TRMT44: variants seen among roughly 807,000 people sequenced by gnomAD.
The protein encoded by TRMT44 is probable tRNA (uracil-O(2)-)-methyltransferase.
TRMT44 carries 78 observed loss-of-function variants against 77.3 expected under a neutral mutation model. The ratio of observed to expected loss-of-function variants is 1.01; its 90% confidence interval spans 0.84 to 1.22. The LOEUF (loss-of-function observed/expected upper bound fraction) is 1.22. TRMT44 is among the 50% of genes most tolerant of loss of function. TRMT44 has a pLI of 0.00. For synonymous variants in TRMT44, 391 were observed against 383.3 expected (o/e 1.02, Z -0.23); for missense variants, 1,090 against 964.4 (o/e 1.13, Z -1.73).
downstream of TRMT44, among the ~76,000 whole-genome samples, chr4:8,493,841 C>T (rs1024071130): frequency 1.1e-4 from 16 of 151,832 alleles, no homozygotes; most frequent in Admixed American, 8.5e-4. Flanking sequence ...GCCTGCCTGG[C>T]GAGCATAACC....
At chr4:8,506,078 ATAGTT>A in the TRMT44 span, among the ~76,000 whole-genome samples, 1 of 152,344 alleles carries the variant, frequency 6.6e-6, no homozygotes, top group African/African-American at 2.4e-5. Context: ...TCACAGCACC[ATAGTT>A]GGGGACGAGG....
chr4:8,440,882 C>G lies in TRMT44; in HGVS notation c.60C>G (p.Phe20Leu). 1 of 1,527,854 alleles carries G rather than the reference C, an allele frequency of 6.5e-7. No individual in the cohort carries two copies. The highest frequency in any genetic ancestry group is 2.5e-5 in the East Asian group (1 of 40,350). The allele number at this position is 1,527,854 out of a possible 1,614,324, so 94.6% of individuals were successfully genotyped here. ...SYPGALLPQG[F>L]WAAVEVWLER... ...CAGGCGCGCTTCTCCCACAGGGCTT[C>G]TGGGCTGCGGTCGAAGTGTGGCTGG... Residue 20 changes from phenylalanine to leucine, a missense_variant, in exon 1 of 11, where the codon TTC becomes TTG. Coordinates refer to ENST00000389737, the MANE Select transcript of TRMT44 (RefSeq NM_152544.3).
At chr4:8,447,970 TGA>T (rs1434441667) in intron 2 of TRMT44, among the ~76,000 whole-genome samples, 3 of 152,054 alleles carry the variant, frequency 2.0e-5, no homozygotes, top group Admixed American at 6.5e-5. Flanking sequence ...TGCGTTGGAG[TGA>T]CTTTCATTGC....
chr4:8,470,309 C>T (rs1443365609), intron 9 of TRMT44, among the ~76,000 whole-genome samples: 2 of 152,110 alleles, frequency 1.3e-5, no homozygotes, highest in African/African-American at 4.8e-5. Flanking sequence ...TGTCCTGATC[C>T]GTAGGGGTCT....
At chr4:8,453,057 C>A in intron 5 of TRMT44, 68 bp downstream of exon 5, 1 of 920,256 alleles carries the variant, frequency 1.1e-6, no homozygotes, top group Non-Finnish European at 1.6e-6. Context: ...GCACAGGGTT[C>A]ACTGACATCT....
Position 8,461,700 on chromosome 4 carries a change from G to T in TRMT44, c.1204-2285G>T, listed in dbSNP as rs538282877. ...AATCAAGTGTGTAGGTTTTTTCCTT[G>T]TTACCTCCCAACCTTCAGTCTCGGT... is the stretch of plus-strand genomic sequence containing the variant. On this transcript the variant is annotated intron_variant, in intron 6 of 10. Transcript: ENST00000389737. This position sits in a 1 kb window ranked among gnomAD's most constrained non-coding sequence, Gnocchi z 4.6. Among the ~76,000 whole-genome samples, 2 of 152,004 alleles carry T rather than the reference G, an allele frequency of 1.3e-5. No homozygotes were observed. The highest frequency in any genetic ancestry group is 4.2e-4 in the South Asian group (2 of 4,800).
the TRMT44 span, chr4:8,512,521 CACA>C: frequency 6.6e-6 from 1 of 152,188 alleles, no homozygotes; most frequent in Non-Finnish European, 1.5e-5. Context: ...AAATGATTAT[CACA>C]ACATTGACTT....
chr4:8,441,046 G>C lies in TRMT44; in HGVS notation c.224G>C (p.Gly75Ala). Residue 75 changes from glycine (G) to alanine (A), a missense_variant, in exon 1 of 11, where the codon GGC becomes GCC. Coordinates refer to ENST00000389737, the MANE Select transcript of TRMT44 (RefSeq NM_152544.3). ...SEQKERGPGP[G>A]QGSPGGGPGP... ...CAGAAGGAGCGGGGTCCGGGACCCG[G>C]CCAGGGTTCCCCCGGAGGGGGCCCG... 1 of 1,489,158 alleles carries C rather than the reference G, an allele frequency of 6.7e-7. No individual in the cohort carries two copies. Among genetic ancestry groups the C allele is most frequent in the Non-Finnish European group, 8.9e-7 (1 of 1,126,354 alleles). The allele number at this position is 1,489,158 out of a possible 1,614,324, so 92.2% of individuals were successfully genotyped here. A position where few individuals can be genotyped will look rare whatever the true frequency, so the allele number is the denominator to read the frequency against.
intron 2 of TRMT44, among the ~76,000 whole-genome samples, chr4:8,487,050 G>T (rs189233284): frequency 5.1e-4 from 78 of 152,280 alleles, no homozygotes; most frequent in African/African-American, 1.7e-3. Flanking sequence ...AGACTAGGAA[G>T]GGACTGATGT....
At chr4:8,460,624 G>T (rs182900064) in intron 6 of TRMT44, among the ~76,000 whole-genome samples, 37 of 151,094 alleles carry the variant, frequency 2.4e-4, no homozygotes, top group African/African-American at 8.3e-4. Flanking sequence ...CGTGATCTCG[G>T]CTCACTGCAG....
chr4:8,470,822 C>G (rs1726939350), intron 9 of TRMT44: 1 of 331,494 alleles, frequency 3.0e-6, no homozygotes, highest in Non-Finnish European at 5.6e-6. Flanking sequence ...GCAGCATCAC[C>G]TGACGCCTGG....
intron 6 of TRMT44, among the ~76,000 whole-genome samples, chr4:8,463,731 G>C (rs1249445949): frequency 6.6e-6 from 1 of 152,140 alleles, no homozygotes; most frequent in Non-Finnish European, 1.5e-5. Flanking sequence ...ATCCAAAGGC[G>C]ATTAGCACTC....
At chr4:8,469,699 C>T (rs1259897107) in intron 9 of TRMT44, among the ~76,000 whole-genome samples, 2 of 152,206 alleles carry the variant, frequency 1.3e-5, no homozygotes, top group South Asian at 2.1e-4. Context: ...TCTGGACCCC[C>T]GTCCCCTCCA....
At chr4:8,487,827 G>A (rs1029168531) in intron 2 of TRMT44, among the ~76,000 whole-genome samples, 12 of 152,154 alleles carry the variant, frequency 7.9e-5, no homozygotes, top group African/African-American at 2.9e-4. Flanking sequence ...GAAAGACCAA[G>A]GCAGGCGTCC....
chr4:8,497,772 T>C (rs1428900680), downstream of TRMT44, among the ~76,000 whole-genome samples: 1 of 152,260 alleles, frequency 6.6e-6, no homozygotes, highest in Non-Finnish European at 1.5e-5. Context: ...TATCAGTCTC[T>C]TTAGTCTCTC....
chr4:8,441,723 T>C (rs1041045445), intron 1 of TRMT44, among the ~76,000 whole-genome samples: 1 of 152,092 alleles, frequency 6.6e-6, no homozygotes, highest in Non-Finnish European at 1.5e-5. Flanking sequence ...GCTGTAGGTG[T>C]AAAAGTGTTG....
Position 8,475,957 on chromosome 4 carries a change from G to A in TRMT44, c.2230G>A (p.Glu744Lys), listed in dbSNP as rs142914666. 2 of 1,614,006 alleles carry A rather than the reference G, an allele frequency of 1.2e-6. No individual in the cohort carries two copies. The highest frequency in any genetic ancestry group is 2.7e-5 in the African/African-American group (2 of 74,936). ...DCCPFAHGPA[E>K]LRPPRTTPRK... is the part of the protein sequence containing the mutation. Reference sequence around the variant, plus strand: ...CTGCCCGTTTGCCCATGGGCCTGCGGAGCTGCGGCCACCCCGGACCACCCC... The same window carrying A: ...CTGCCCGTTTGCCCATGGGCCTGCGAAGCTGCGGCCACCCCGGACCACCCC... The change falls in exon 11 of 11, where the codon GAG (glutamate) becomes AAG (lysine). Residue 744 changes from glutamate (E) to lysine (K), a missense_variant. Physicochemically the swap from Glu to Lys is moderately conservative, Grantham distance 56 (BLOSUM62 1). Coordinates refer to ENST00000389737, the MANE Select transcript of TRMT44 (RefSeq NM_152544.3).
chr4:8,487,836 C>G (rs1300178622), intron 2 of TRMT44, among the ~76,000 whole-genome samples: 1 of 152,146 alleles, frequency 6.6e-6, no homozygotes. Flanking sequence ...AGGCAGGCGT[C>G]CATGAGTGGT....
At chr4:8,441,603 C>T (rs1338148825) in intron 1 of TRMT44, among the ~76,000 whole-genome samples, 162 bp downstream of exon 1, 2 of 152,242 alleles carry the variant, frequency 1.3e-5, no homozygotes, top group South Asian at 2.1e-4. Flanking sequence ...AAATGTGTGT[C>T]CTTAGTACAG....
Sources: gnomAD v4.1 joint callset for allele counts (sites outside exome capture counted in the v4.1 genomes callset) on GRCh38, gnomAD v4.1.1 for gene constraint, Gnocchi (gnomAD v3.1) non-coding constraint, MANE v1.5 for transcripts, NCBI Gene and HGNC (gene_info 2026-07-23, HGNC 2026-07-21) for gene names.